Variants in UNC80 observed in about 807,000 individuals in gnomAD.
The protein encoded by UNC80 is protein unc-80 homolog.
In UNC80, 164 loss-of-function variants were observed where a neutral mutation model predicts 384.6. The ratio of observed to expected loss-of-function variants is 0.43; its 90% CI spans 0.38 to 0.49. The LOEUF is 0.49. Ranked by LOEUF, UNC80 falls within the 20% of genes least tolerant of loss-of-function variation. UNC80 has a pLI of 0.00. For missense variants in UNC80, 3,330 were observed against 4,143.0 expected (o/e 0.80, Z 5.39); for synonymous variants, 1,486 against 1,527.8 (o/e 0.97, Z 0.64).
In UNC80 at chr2:209,976,912, G is replaced by A; in HGVS notation, c.8773-1G>A. ...CTGAGAATGTTATGCCTTCCTTTCAGCTGCTGGCCCAACCAGCAGAGAATC... is the reference window on the plus strand; with the variant it reads ...CTGAGAATGTTATGCCTTCCTTTCAACTGCTGGCCCAACCAGCAGAGAATC... On this transcript the variant is annotated splice_acceptor_variant, in intron 57 of 64. Transcript: ENST00000673920. LOFTEE classifies it high-confidence loss of function. The surrounding 1 kb of genome is among the most constrained non-coding windows in gnomAD (Gnocchi z 4.3). 6.6e-7 allele frequency: 1 copy of A among 1,507,500 alleles called. No homozygotes were observed. Among genetic ancestry groups the A allele is most frequent in the Non-Finnish European group, 9.0e-7 (1 of 1,111,954 alleles). The allele number at this position is 1,507,500 out of a possible 1,614,324, so 93.4% of individuals were successfully genotyped here.
intron 20 of UNC80, among the ~76,000 whole-genome samples, chr2:209,841,775 AAAACAT>A (rs1482790842): frequency 6.6e-6 from 1 of 152,226 alleles, no homozygotes; most frequent in African/African-American, 2.4e-5. Flanking sequence ...TATTTGCTAA[AAAACAT>A]AAGTCATGTA....
chr2:209,792,637 G>A (rs761711377), intron 6 of UNC80, among the ~76,000 whole-genome samples: 15 of 152,184 alleles, frequency 9.9e-5, no homozygotes, highest in Middle Eastern at 3.4e-3. Flanking sequence ...ATGAGCCACC[G>A]CGCCCGGTTC....
At chr2:209,786,774 T>A (rs1462517310) in intron 5 of UNC80, among the ~76,000 whole-genome samples, 3 of 152,034 alleles carry the variant, frequency 2.0e-5, no homozygotes, top group Non-Finnish European at 4.4e-5. Context: ...GTATATAACC[T>A]AACTTTCCTA....
At chr2:209,823,440 A>G (rs1297446714) in intron 13 of UNC80, among the ~76,000 whole-genome samples, 2 of 152,182 alleles carry the variant, frequency 1.3e-5, no homozygotes, top group Admixed American at 6.5e-5. Flanking sequence ...TGTAGCCTTT[A>G]CAGAGCCCTC....
chr2:209,957,837 G>A (rs2092466734), intron 49 of UNC80, 101 bp downstream of exon 49: 36 of 1,041,832 alleles, frequency 3.5e-5, no homozygotes, highest in Non-Finnish European at 4.2e-5. Flanking sequence ...TCAATATTGA[G>A]TGTGAAAACC....
intron 25 of UNC80, among the ~76,000 whole-genome samples, chr2:209,884,228 A>G (rs1293343419): frequency 6.6e-6 from 1 of 152,320 alleles, no homozygotes; most frequent in East Asian, 1.9e-4. Flanking sequence ...GTCTACTAAA[A>G]TGTTTCCCAG....
chr2:209,820,231 T>A (rs1574590435), intron 12 of UNC80, 80 bp from the exon 13 acceptor site: 1 of 1,441,942 alleles, frequency 6.9e-7, no homozygotes, highest in Non-Finnish European at 9.1e-7. Context: ...AGGAAATGGG[T>A]TAAACAGAAT....
intron 18 of UNC80, among the ~76,000 whole-genome samples, chr2:209,837,387 AAGT>A (rs1473188979): frequency 2.0e-5 from 3 of 152,222 alleles, no homozygotes; most frequent in Non-Finnish European, 4.4e-5. Context: ...CATAAAGGGA[AAGT>A]AGTTTAAAAA....
chr2:209,912,725 A>T (rs2089088721), intron 30 of UNC80, 58 bp downstream of exon 30: 1 of 1,207,250 alleles, frequency 8.3e-7, no homozygotes. Context: ...GGGACTCCAG[A>T]CAGCCTATTT....
Position 209,939,623 on chromosome 2 carries a change from C to A in UNC80, c.6617C>A (p.Ala2206Asp). Residue 2206 changes from alanine to aspartate, a missense_variant, in exon 43 of 65, where the codon GCT (alanine) becomes GAT (aspartate). Ala to Asp is a moderately radical substitution (Grantham distance 126). This residue lies in a region of UNC80 where 1,049 missense variants were observed against 1,488.6 expected (regional missense o/e 0.70). Transcript: ENST00000673920. ...LPSFPRSAID[A>D]EFSLFSDPQA... is the part of the protein sequence containing the mutation. ...TCATTCCCTCGTAGTGCTATTGATG[C>A]TGAGTTTTCACTCTTCAGTGATCCT... The A allele has an allele frequency of 6.4e-7, 1 of 1,551,268 alleles. No individual in the cohort carries two copies. The highest frequency in any genetic ancestry group is 8.7e-7 in the Non-Finnish European group (1 of 1,146,572).
chr2:209,922,127 T>C lies in UNC80; in HGVS notation c.5531-125T>C. The stretch of plus-strand genomic sequence containing the variant: ...TAATTTTTATTTTTCCTTTTCTAAG[T>C]ACACTCAAAATTATTTAAGCCTTAT... On this transcript the variant is annotated intron_variant, in intron 34 of 64. Coordinates refer to ENST00000673920, the MANE Select transcript of UNC80 (RefSeq NM_001371986.1). 3 of 1,143,686 alleles carry C rather than the reference T, an allele frequency of 2.6e-6. No homozygotes were observed. The South Asian group carries it at 6.2e-5, about 24-fold the overall frequency. 70.8% of individuals were successfully genotyped at this position (1,143,686 alleles called of 1,614,324 possible).
chr2:209,873,456 G>T (rs1393516117), intron 23 of UNC80, among the ~76,000 whole-genome samples: 1 of 151,924 alleles, frequency 6.6e-6, no homozygotes, highest in Non-Finnish European at 1.5e-5. Context: ...CCTTTAAGTT[G>T]CCTGAAAGCC....
At chr2:209,825,811 T>C in intron 13 of UNC80, 96 bp from the exon 14 acceptor site, 1 of 1,190,552 alleles carries the variant, frequency 8.4e-7, no homozygotes, top group Non-Finnish European at 1.1e-6. Context: ...CTGTAAAACA[T>C]ATAAACTTGA....
chr2:209,793,684 A>C, intron 6 of UNC80, 36 bp from the exon 7 acceptor site: 2 of 1,606,842 alleles, frequency 1.2e-6, no homozygotes, highest in Non-Finnish European at 1.7e-6. Context: ...AAAAAACAAA[A>C]AACAAAACCT....
intron 14 of UNC80, 84 bp from the exon 15 acceptor site, chr2:209,829,148 T>C: frequency 6.7e-7 from 1 of 1,493,796 alleles, no homozygotes; most frequent in Non-Finnish European, 9.0e-7. Context: ...ACCCTTGCCT[T>C]CTGAAGGCTT....
In UNC80 at chr2:209,982,251, G is replaced by A. The variant is rs371593882; in HGVS notation, c.9191G>A (p.Arg3064Gln). ...AYLLSAIGRR[R>Q]FSSHVSSMSV... Reference sequence around the variant, plus strand: ...CTCCTGAGTGCCATTGGAAGGAGGCGATTCTCCAGCCATGTCTCCAGCATG... The same window carrying A: ...CTCCTGAGTGCCATTGGAAGGAGGCAATTCTCCAGCCATGTCTCCAGCATG... Residue 3064 changes from arginine to glutamine, a missense_variant, in exon 60 of 65, where the codon CGA becomes CAA. Coordinates refer to ENST00000673920, the MANE Select transcript of UNC80 (RefSeq NM_001371986.1). The A allele has an allele frequency of 8.2e-5, 128 of 1,551,642 alleles. No individual in the cohort carries two copies. Among genetic ancestry groups the A allele is most frequent in the Non-Finnish European group, 1.0e-4 (115 of 1,146,966 alleles).
intron 33 of UNC80, 131 bp downstream of exon 33, chr2:209,918,794 C>G: frequency 9.2e-7 from 1 of 1,084,574 alleles, no homozygotes; most frequent in Non-Finnish European, 1.2e-6. Context: ...AGATCTTTGT[C>G]CTTGTGAATA....
intron 48 of UNC80, among the ~76,000 whole-genome samples, chr2:209,955,911 T>C (rs371210711): frequency 6.6e-6 from 1 of 150,998 alleles, no homozygotes; most frequent in Non-Finnish European, 1.5e-5. Flanking sequence ...GCCCCGATAA[T>C]TTTTGTATTT....
chr2:209,931,984 T>A (rs1033619482), intron 38 of UNC80, among the ~76,000 whole-genome samples: 4 of 152,168 alleles, frequency 2.6e-5, no homozygotes, highest in African/African-American at 9.7e-5. Context: ...TATGTGGAGT[T>A]GGGAAGAAAA....
Sources: allele counts gnomAD v4.1 joint callset (sites outside exome capture counted in the v4.1 genomes callset), GRCh38; gene constraint gnomAD v4.1.1; regional missense constraint gnomAD v4.1.1; non-coding constraint Gnocchi (gnomAD v3.1); transcripts MANE v1.5; gene names NCBI Gene and HGNC (gene_info 2026-07-23, HGNC 2026-07-21).